PLEKHA7: variants seen among roughly 807,000 people sequenced by gnomAD.
PLEKHA7 encodes the protein pleckstrin homology domain containing A7, also known as pleckstrin homology domain-containing family A member 7.
PLEKHA7 carries 104 observed loss-of-function variants against 170.0 expected under a neutral mutation model. The observed-to-expected ratio is 0.61, with a 90% confidence interval of 0.52 to 0.72. PLEKHA7 has a LOEUF of 0.72. PLEKHA7 is among the 30% of genes least tolerant of loss of function. The probability of loss-of-function intolerance (pLI) is 0.00; values close to 1 mark genes in which losing one functional copy is unlikely to be tolerated. For synonymous variants in PLEKHA7, 648 were observed against 660.8 expected (o/e 0.98, Z 0.30); for missense variants, 1,615 against 1,671.7 (o/e 0.97, Z 0.59).
chr11:16,883,466 T>C (rs1855856136), intron 3 of PLEKHA7, among the ~76,000 whole-genome samples: 1 of 152,154 alleles, frequency 6.6e-6, no homozygotes, highest in Non-Finnish European at 1.5e-5. Context: ...TGTTCCATTA[T>C]CTCCTGCCCA....
chr11:16,965,095 G>A (rs993708901), intron 3 of PLEKHA7, among the ~76,000 whole-genome samples: 7 of 151,912 alleles, frequency 4.6e-5, no homozygotes, highest in African/African-American at 1.5e-4. Context: ...AATCACTTGA[G>A]GTCAGGAGTT....
chr11:16,841,485 C>T (rs1463397890), intron 9 of PLEKHA7, 62 bp downstream of exon 9: 4 of 1,550,172 alleles, frequency 2.6e-6, no homozygotes, highest in Non-Finnish European at 3.5e-6. Context: ...CCAAGAGGAC[C>T]TATCTGGGTC....
chr11:16,806,507 T>TC (rs1848999325), intron 13 of PLEKHA7, among the ~76,000 whole-genome samples: 1 of 152,130 alleles, frequency 6.6e-6, no homozygotes, highest in Non-Finnish European at 1.5e-5. Flanking sequence ...GCATCTTCCC[T>TC]CCCCTCCACC....
chr11:16,969,865 C>T (rs2136700604), intron 3 of PLEKHA7, among the ~76,000 whole-genome samples: 1 of 152,290 alleles, frequency 6.6e-6, no homozygotes, highest in East Asian at 1.9e-4. Context: ...TCTCTTGAAG[C>T]TAGTTTGAGT....
At chr11:16,858,901 C>T (rs1221740173) in intron 4 of PLEKHA7, among the ~76,000 whole-genome samples, 1 of 152,164 alleles carries the variant, frequency 6.6e-6, no homozygotes, top group East Asian at 1.9e-4. Context: ...ACGTCTCCTC[C>T]CCATACTAGC....
chr11:16,933,982 C>G (rs1435195559), intron 3 of PLEKHA7, among the ~76,000 whole-genome samples: 2 of 152,180 alleles, frequency 1.3e-5, no homozygotes, highest in East Asian at 3.9e-4. Context: ...TTCCTGGGAG[C>G]CTATCTGAGC....
chr11:16,847,684 C>CA (rs1175497407), intron 8 of PLEKHA7, among the ~76,000 whole-genome samples: 1 of 151,220 alleles, frequency 6.6e-6, no homozygotes, highest in Non-Finnish European at 1.5e-5. Context: ...ACAACAACAA[C>CA]AAAAAAAATT....
chr11:16,930,041 C>G (rs1290375759), intron 3 of PLEKHA7, among the ~76,000 whole-genome samples: 1 of 151,880 alleles, frequency 6.6e-6, no homozygotes, highest in Non-Finnish European at 1.5e-5. Context: ...AAAGTATGTG[C>G]TGGGATATTT....
Position 16,790,888 on chromosome 11 carries a change from G to T in PLEKHA7, c.2962C>A (p.Pro988Thr). Residue 988 changes from proline (P) to threonine (T), a missense_variant, in exon 21 of 27, where the codon CCT becomes ACT. By Grantham distance (38) the Pro-to-Thr change is conservative. Transcript: ENST00000531066. ...RVELRSYVSE[P>T]ELATLSGDMA... ...TCCCCGCTGAGGGTCGCCAGCTCAG[G>T]CTCACTGACATACGACCGCAGCTCC... The T allele has an allele frequency of 6.2e-7, 1 of 1,613,046 alleles. No homozygotes were observed. Among genetic ancestry groups the T allele is most frequent in the East Asian group, 2.2e-5 (1 of 44,812 alleles).
rs1201193024 is a variant in PLEKHA7, at chr11:16,789,009, G to C, written c.3357+87C>G. On this transcript the variant is annotated intron_variant, in intron 23 of 26. Coordinates refer to ENST00000531066, the MANE Select transcript of PLEKHA7 (RefSeq NM_001329630.2). This position sits in a 1 kb window ranked among gnomAD's most constrained non-coding sequence, Gnocchi z 4.6. ...AGGTCAATGGACAGCTCTCTCACTG[G>C]GAGGTGTGATGTGCTTGTGTTTGGG... 7 of 1,455,890 alleles carry C rather than the reference G, an allele frequency of 4.8e-6. No individual in the cohort carries two copies. The African/African-American group carries it at 9.8e-5, about 20-fold the overall frequency. 90.2% of individuals were successfully genotyped at this position (1,455,890 alleles called of 1,614,324 possible). A position where few individuals can be genotyped will look rare whatever the true frequency, so the allele number is the denominator to read the frequency against.
intron 10 of PLEKHA7, among the ~76,000 whole-genome samples, chr11:16,823,216 G>C (rs1245255410): frequency 6.6e-6 from 1 of 152,036 alleles, no homozygotes; most frequent in Non-Finnish European, 1.5e-5. Flanking sequence ...ATGTTGCCCA[G>C]GTTGGTTTCA....
At chr11:16,921,773 A>AG (rs1859108192) in intron 3 of PLEKHA7, among the ~76,000 whole-genome samples, 1 of 152,246 alleles carries the variant, frequency 6.6e-6, no homozygotes, top group Non-Finnish European at 1.5e-5. Context: ...ATAATATGCA[A>AG]TGCTGCATTA....
At chr11:16,875,156 G>C (rs1855177844) in intron 3 of PLEKHA7, among the ~76,000 whole-genome samples, 1 of 152,148 alleles carries the variant, frequency 6.6e-6, no homozygotes, top group African/African-American at 2.4e-5. Flanking sequence ...AGAGTTGTCA[G>C]TCACAGCATC....
chr11:16,847,569 C>T (rs1327450169), intron 8 of PLEKHA7, among the ~76,000 whole-genome samples: 2 of 152,070 alleles, frequency 1.3e-5, no homozygotes, highest in East Asian at 3.9e-4. Flanking sequence ...GAGGCTCACG[C>T]CTATAATCTC....
intron 3 of PLEKHA7, among the ~76,000 whole-genome samples, chr11:16,924,516 G>A (rs765417891): frequency 5.9e-5 from 9 of 152,204 alleles, no homozygotes; most frequent in Non-Finnish European, 1.3e-4. Flanking sequence ...GGGGATGGGA[G>A]TGAGATGCAT....
chr11:16,978,531 T>G (rs912379294), intron 3 of PLEKHA7, among the ~76,000 whole-genome samples: 1 of 152,266 alleles, frequency 6.6e-6, no homozygotes, highest in Non-Finnish European at 1.5e-5. Flanking sequence ...TTTTCCATTC[T>G]TTCATTTGAT....
At chr11:16,823,178 A>AT (rs917340907) in intron 10 of PLEKHA7, among the ~76,000 whole-genome samples, 2 of 151,918 alleles carry the variant, frequency 1.3e-5, no homozygotes, top group Admixed American at 6.6e-5. Context: ...AAACAAAAAA[A>AT]TTTTTTTGGT....
At chr11:16,915,428 T>C (rs892882528) in intron 3 of PLEKHA7, among the ~76,000 whole-genome samples, 18 of 152,078 alleles carry the variant, frequency 1.2e-4, no homozygotes, top group Admixed American at 3.9e-4. Flanking sequence ...TTGTTACATA[T>C]GTATACATGT....
intron 3 of PLEKHA7, among the ~76,000 whole-genome samples, chr11:17,008,825 A>T (rs1213988633): frequency 6.6e-6 from 1 of 152,166 alleles, no homozygotes; most frequent in Non-Finnish European, 1.5e-5. Context: ...GGTTCCATGA[A>T]ACCCCTGAAG....
Sources: gnomAD v4.1 joint callset for allele counts (sites outside exome capture counted in the v4.1 genomes callset) on GRCh38, gnomAD v4.1.1 for gene constraint, Gnocchi (gnomAD v3.1) non-coding constraint, MANE v1.5 for transcripts, NCBI Gene and HGNC (gene_info 2026-07-23, HGNC 2026-07-21) for gene names.